The following TIAM2 variants were observed in gnomAD, a reference collection of about 807,000 sequenced individuals.
The protein encoded by TIAM2 is rho guanine nucleotide exchange factor TIAM2.
Under a neutral mutation model 152.9 loss-of-function variants are expected in TIAM2, and 80 were observed. The observed-to-expected ratio is 0.52, with a 90% CI of 0.44 to 0.63. The LOEUF (loss-of-function observed/expected upper bound fraction) is 0.63. TIAM2 is among the 30% of genes least tolerant of loss of function. TIAM2 has a pLI of 0.00. For synonymous variants in TIAM2, 804 were observed against 838.0 expected (o/e 0.96, Z 0.70); for missense variants, 1,965 against 2,120.1 (o/e 0.93, Z 1.44).
At chr6:155,099,161 T>TG (rs1778491006) in intron 2 of TIAM2, among the ~76,000 whole-genome samples, 2 of 152,044 alleles carry the variant, frequency 1.3e-5, no homozygotes, top group African/African-American at 4.8e-5. Context: ...CACTCCAGCC[T>TG]GGGCAACAAG....
rs959076456 is a variant in TIAM2 at position 155,257,262 on chromosome 6, T to TAAAG, written c.*143_*146dup. ...TATACATTTTCCCACAAAATGGTTG[T>TAAAG]AAAGATTTAAGTTATTTTAATTTAT... is the stretch of plus-strand genomic sequence containing the variant. On this transcript the variant is annotated 3_prime_UTR_variant, in exon 27 of 27. Transcript: ENST00000682666. 17 of 942,582 alleles carry TAAAG rather than the reference T, an allele frequency of 1.8e-5. No individual in the cohort carries two copies. Among genetic ancestry groups the TAAAG allele is most frequent in the Non-Finnish European group, 2.5e-5 (16 of 649,770 alleles). 58.4% of individuals were successfully genotyped at this position (942,582 alleles called of 1,614,324 possible).
At chr6:155,039,383 C>T (rs1583163748) in intron 1 of TIAM2, among the ~76,000 whole-genome samples, 1 of 152,224 alleles carries the variant, frequency 6.6e-6, no homozygotes, top group Non-Finnish European at 1.5e-5. Flanking sequence ...TCTGTCTTCC[C>T]CTGAGTCTGA....
At chr6:155,116,660 A>C (rs556048129) in intron 2 of TIAM2, among the ~76,000 whole-genome samples, 1 of 152,284 alleles carries the variant, frequency 6.6e-6, no homozygotes, top group Admixed American at 6.5e-5. Flanking sequence ...GGCCTTTTAC[A>C]TCCATGCAGG....
intron 2 of TIAM2, among the ~76,000 whole-genome samples, chr6:155,111,754 G>A (rs572360820): frequency 1.7e-4 from 26 of 152,178 alleles, no homozygotes; most frequent in African/African-American, 5.3e-4. Context: ...TTCTCATTGC[G>A]TGCTGGAATT....
intron 2 of TIAM2, among the ~76,000 whole-genome samples, chr6:155,126,388 C>T (rs923955801): frequency 5.9e-5 from 9 of 152,122 alleles, no homozygotes; most frequent in Middle Eastern, 3.2e-3. Flanking sequence ...AGATGGATGT[C>T]GGTGACGGTT....
chr6:155,060,404 A>G (rs1777550332), intron 1 of TIAM2, among the ~76,000 whole-genome samples: 1 of 152,208 alleles, frequency 6.6e-6, no homozygotes, highest in Admixed American at 6.5e-5. Flanking sequence ...CTCCGTCTCA[A>G]AAAACAAACA....
At chr6:155,121,241 A>T (rs1481501728) in intron 2 of TIAM2, among the ~76,000 whole-genome samples, 1 of 152,188 alleles carries the variant, frequency 6.6e-6, no homozygotes, top group Admixed American at 6.5e-5. Flanking sequence ...TTGAATAATG[A>T]GTAGGTAATG....
rs375363919 is a variant in TIAM2 at position 155,055,034 on chromosome 6, G to A, written c.-208-35255G>A. Among the ~76,000 whole-genome samples the A allele has an allele frequency of 3.9e-5, 6 of 152,282 alleles. No homozygotes were observed. In the East Asian group the frequency reaches 5.8e-4, roughly 15 times the overall value. On this transcript the variant is annotated intron_variant, in intron 1 of 26. Transcript: ENST00000682666. The stretch of plus-strand genomic sequence containing the variant: ...GTGCTGTGGCTGCAGGAAGCCCTGG[G>A]ACATGATTTTTGGCTGTGGAACTGC...
intron 7 of TIAM2, among the ~76,000 whole-genome samples, chr6:155,159,086 A>G (rs2115088226): frequency 6.6e-6 from 1 of 152,226 alleles, no homozygotes; most frequent in East Asian, 1.9e-4. Context: ...TAAAATATGT[A>G]TCTTTGTCTT....
chr6:154,999,677 T>G (rs1033883872), intron 1 of TIAM2, among the ~76,000 whole-genome samples: 13 of 152,212 alleles, frequency 8.5e-5, no homozygotes, highest in African/African-American at 2.6e-4. Flanking sequence ...TAACTTCTTT[T>G]TTTATTTTTT....
Position 155,257,669 on chromosome 6 carries a change from T to TTGA in TIAM2, c.*553_*555dup. 2 of 715,196 alleles carry TTGA rather than the reference T, an allele frequency of 2.8e-6. No individual in the cohort carries two copies. The highest frequency in any genetic ancestry group is 4.6e-6 in the Non-Finnish European group (2 of 432,702). The allele number at this position is 715,196 out of a possible 1,614,324, so 44.3% of individuals were successfully genotyped here. A position where few individuals can be genotyped will look rare whatever the true frequency, so the allele number is the denominator to read the frequency against. The stretch of plus-strand genomic sequence containing the variant: ...AAAGAAAGCTTGTACTGTATCTTAT[T>TTGA]TGATGATATTTATTTTCTCTGCCAA... On this transcript the variant is annotated 3_prime_UTR_variant, in exon 27 of 27. Transcript: ENST00000682666.
At chr6:155,011,775 A>G (rs1034327952) in intron 1 of TIAM2, among the ~76,000 whole-genome samples, 1 of 152,254 alleles carries the variant, frequency 6.6e-6, no homozygotes, top group Non-Finnish European at 1.5e-5. Flanking sequence ...TGATCAGCAT[A>G]TCACTGGAAG....
intron 1 of TIAM2, among the ~76,000 whole-genome samples, chr6:155,017,704 C>A (rs537979511): frequency 6.6e-6 from 1 of 151,960 alleles, no homozygotes; most frequent in African/African-American, 2.4e-5. Flanking sequence ...GGGGTTTCAC[C>A]GTGTTAGCCA....
chr6:155,254,235 C>T, intron 25 of TIAM2, 175 bp downstream of exon 25: 1 of 1,010,866 alleles, frequency 9.9e-7, no homozygotes, highest in Non-Finnish European at 1.4e-6. Context: ...AAATAAATAT[C>T]AAAATCTTAA....
chr6:155,137,646 G>A (rs1193597721), intron 5 of TIAM2, 34 bp downstream of exon 5: 1 of 1,520,618 alleles, frequency 6.6e-7, no homozygotes, highest in African/African-American at 1.4e-5. Context: ...GGCCACTGGG[G>A]ATTGTTTCCG....
chr6:155,256,230 C>CTAGT, intron 26 of TIAM2: 1 of 598,162 alleles, frequency 1.7e-6, no homozygotes, highest in Non-Finnish European at 2.9e-6. Context: ...TTTCTAGTGT[C>CTAGT]TAGTTCTATT....
chr6:155,019,507 A>AACTCTTAG lies in TIAM2; in HGVS notation c.-209+24016_-209+24023dup, dbSNP rs1171038660. ...ATGTGTTAAACGAATGATTAAATGA[A>AACTCTTAG]ACTCTTAGTTTTGGGTAGAAGGTTG... is the stretch of plus-strand genomic sequence containing the variant. On this transcript the variant is annotated intron_variant, in intron 1 of 26. Coordinates refer to ENST00000682666, the MANE Select transcript of TIAM2 (RefSeq NM_012454.4). Among the ~76,000 whole-genome samples, 86 of 152,330 alleles carry AACTCTTAG rather than the reference A, an allele frequency of 5.6e-4. No homozygotes were observed. The East Asian group carries it at 0.016, about 28-fold the overall frequency.
At chr6:155,125,261 ACT>A (rs1377081020) in intron 2 of TIAM2, among the ~76,000 whole-genome samples, 1 of 151,838 alleles carries the variant, frequency 6.6e-6, no homozygotes, top group African/African-American at 2.4e-5. Flanking sequence ...ACAGAGTGAG[ACT>A]CTGTCTCAAA....
chr6:155,135,884 A>C (rs1034388832), intron 4 of TIAM2, among the ~76,000 whole-genome samples: 3 of 152,148 alleles, frequency 2.0e-5, no homozygotes, highest in African/African-American at 4.8e-5. Flanking sequence ...TAATTCTCTA[A>C]GTAAGAAATA....
Sources: gnomAD v4.1 joint callset for allele counts (sites outside exome capture counted in the v4.1 genomes callset) on GRCh38, gnomAD v4.1.1 for gene constraint, MANE v1.5 for transcripts, NCBI Gene and HGNC (gene_info 2026-07-23, HGNC 2026-07-21) for gene names.